TGM3: variants seen among roughly 807,000 people sequenced by gnomAD.
TGM3 encodes the protein transglutaminase 3, also known as protein-glutamine gamma-glutamyltransferase E.
TGM3 carries 52 observed loss-of-function variants against 73.8 expected under a neutral mutation model. The observed-to-expected ratio is 0.70, with a 90% confidence interval of 0.56 to 0.89. TGM3 has a LOEUF of 0.89. Ranked by LOEUF, TGM3 falls within the 40% of genes least tolerant of loss-of-function variation. The pLI, the probability that TGM3 is intolerant of heterozygous loss-of-function variation, is 0.00. For missense variants in TGM3, 928 were observed against 909.9 expected (o/e 1.02, Z -0.26); for synonymous variants, 372 against 354.9 (o/e 1.05, Z -0.54).
intron 5 of TGM3, among the ~76,000 whole-genome samples, chr20:2,314,590 A>G (rs2084223896): frequency 6.6e-6 from 1 of 151,462 alleles, no homozygotes; most frequent in Non-Finnish European, 1.5e-5. Flanking sequence ...GCATCGTGAC[A>G]CATGCCTGTA....
intron 7 of TGM3, 37 bp from the exon 8 acceptor site, chr20:2,325,812 C>A (rs764401329): frequency 6.8e-7 from 1 of 1,465,610 alleles, no homozygotes; most frequent in South Asian, 1.2e-5. Context: ...GCTGTGTGGT[C>A]TTGGGCAAGC....
intron 1 of TGM3, among the ~76,000 whole-genome samples, chr20:2,297,598 A>G (rs2084117466): frequency 6.6e-6 from 1 of 152,232 alleles, no homozygotes; most frequent in South Asian, 2.1e-4. Flanking sequence ...GTTAACAACC[A>G]GAGATGTTCT....
At chr20:2,296,501 G>C (rs2084108477) in intron 1 of TGM3, among the ~76,000 whole-genome samples, 1 of 152,106 alleles carries the variant, frequency 6.6e-6, no homozygotes, top group Non-Finnish European at 1.5e-5. Flanking sequence ...AGAACTACCA[G>C]GGAGTGAGAG....
intron 1 of TGM3, among the ~76,000 whole-genome samples, chr20:2,301,771 G>A (rs6082667): frequency 6.6e-6 from 1 of 151,914 alleles, no homozygotes; most frequent in African/African-American, 2.4e-5. Flanking sequence ...TGAGATCTCA[G>A]CCCACTGCAA....
chr20:2,339,195 G>A (rs45565740), intron 11 of TGM3, among the ~76,000 whole-genome samples: 3,924 of 152,324 alleles, frequency 0.026, 164 homozygotes, highest in African/African-American at 0.086. Context: ...AAAGAGTTAA[G>A]GGAGCTACAG....
intron 1 of TGM3, among the ~76,000 whole-genome samples, chr20:2,301,531 GA>G (rs5839947): frequency 0.13 from 16,919 of 133,370 alleles, 1,046 homozygotes; most frequent in Middle Eastern, 0.26. Context: ...CAGCCATTAA[GA>G]AAAAAAAAAA....
chr20:2,313,112 G>A (rs2084215940), intron 5 of TGM3, 86 bp downstream of exon 5: 3 of 1,558,898 alleles, frequency 1.9e-6, no homozygotes, highest in Middle Eastern at 3.9e-4. Context: ...CTTTACATAT[G>A]TCATCTCATT....
At chr20:2,309,929 G>GGGTTCGC in intron 2 of TGM3, 99 bp downstream of exon 2, 1 of 1,518,844 alleles carries the variant, frequency 6.6e-7, no homozygotes, top group Non-Finnish European at 9.0e-7. Flanking sequence ...CACTGGCATT[G>GGGTTCGC]GGTTCTAGCC....
intron 8 of TGM3, among the ~76,000 whole-genome samples, chr20:2,327,655 G>C (rs751489055): frequency 3.9e-5 from 6 of 152,126 alleles, no homozygotes; most frequent in Admixed American, 3.3e-4. Context: ...AGCTTCCTAT[G>C]CTGAGTGCTA....
chr20:2,321,813 A>G (rs2084264379), intron 7 of TGM3, among the ~76,000 whole-genome samples: 2 of 152,234 alleles, frequency 1.3e-5, no homozygotes, highest in Non-Finnish European at 2.9e-5. Context: ...CATTGGAAAG[A>G]TGCACATCCC....
chr20:2,317,838 T>C (rs948632264), intron 7 of TGM3, among the ~76,000 whole-genome samples: 1 of 151,696 alleles, frequency 6.6e-6, no homozygotes, highest in Non-Finnish European at 1.5e-5. Flanking sequence ...CAGCAAGAAA[T>C]ATACATTTGT....
intron 5 of TGM3, among the ~76,000 whole-genome samples, chr20:2,313,405 C>T (rs955282643): frequency 1.3e-5 from 2 of 152,174 alleles, no homozygotes; most frequent in Non-Finnish European, 2.9e-5. Flanking sequence ...GAAGCGAGAC[C>T]CTGATTGAGC....
chr20:2,305,699 C>T (rs2084173259), intron 1 of TGM3, among the ~76,000 whole-genome samples: 1 of 152,184 alleles, frequency 6.6e-6, no homozygotes, highest in African/African-American at 2.4e-5. Flanking sequence ...GGGGCTCACG[C>T]TTGGTGTCAG....
At position 2,332,220 on chromosome 20, in the gene TGM3, A is replaced by G. The variant is rs761800887; in HGVS notation, c.1552A>G (p.Asn518Asp). 4 of 1,614,110 alleles carry G rather than the reference A, an allele frequency of 2.5e-6. No homozygotes were observed. The highest frequency in any genetic ancestry group is 3.3e-4 in the Middle Eastern group (2 of 6,062). The stretch of plus-strand genomic sequence containing the variant: ...CAGGGATACGAAGACAGTGACAGTG[A>G]ACATGACAGCCTGGACCATCATCTA... ...LSRDTKTVTV[N>D]MTAWTIIYNG... Residue 518 changes from asparagine (N) to aspartate (D), a missense_variant, in exon 10 of 13, where the codon AAC (asparagine) becomes GAC (aspartate). By Grantham distance (23) the Asn-to-Asp change is conservative (BLOSUM62 1). Coordinates refer to ENST00000381458, the MANE Select transcript of TGM3 (RefSeq NM_003245.4). The surrounding 1 kb of genome is among the most constrained non-coding windows in gnomAD (Gnocchi z 4.4).
intron 5 of TGM3, 73 bp downstream of exon 5, chr20:2,313,099 A>T (rs2084215836): frequency 6.3e-7 from 1 of 1,586,096 alleles, no homozygotes; most frequent in East Asian, 2.3e-5. Context: ...AGGCACGCAC[A>T]CTCTTTACAT....
intron 5 of TGM3, among the ~76,000 whole-genome samples, chr20:2,316,617 A>T (rs2084234545): frequency 6.6e-6 from 1 of 151,814 alleles, no homozygotes; most frequent in East Asian, 1.9e-4. Context: ...AATAAATAAA[A>T]TAAATAAAGT....
intron 3 of TGM3, 53 bp downstream of exon 3, chr20:2,310,470 A>G: frequency 4.4e-6 from 7 of 1,595,610 alleles, no homozygotes; most frequent in Non-Finnish European, 6.0e-6. Flanking sequence ...AGAAAAGAAA[A>G]AGGGGATGGG....
chr20:2,339,997 G>T lies in TGM3; in HGVS notation c.1934+10G>T, dbSNP rs1254134182. 6.3e-7 allele frequency: 1 copy of T among 1,592,822 alleles called. No individual in the cohort carries two copies. Among genetic ancestry groups the T allele is most frequent in the Admixed American group, 1.8e-5 (1 of 55,928 alleles). On this transcript the variant is annotated intron_variant, in intron 12 of 12. Transcript: ENST00000381458. Reference sequence around the variant, plus strand: ...GTAACCTGAAGATCGAGTGAGTCCTGGGCCTAAGTGGCCGGTGCAGGAGGG... The same window carrying T: ...GTAACCTGAAGATCGAGTGAGTCCTTGGCCTAAGTGGCCGGTGCAGGAGGG...
At chr20:2,340,165 C>A (rs1329456802) in intron 12 of TGM3, among the ~76,000 whole-genome samples, 178 bp downstream of exon 12, 1 of 152,158 alleles carries the variant, frequency 6.6e-6, no homozygotes, top group East Asian at 1.9e-4. Context: ...CAAACTTGAA[C>A]TCCTGAGAAG....
Sources: allele counts gnomAD v4.1 joint callset (sites outside exome capture counted in the v4.1 genomes callset), GRCh38; gene constraint gnomAD v4.1.1; non-coding constraint Gnocchi (gnomAD v3.1); transcripts MANE v1.5; gene names NCBI Gene and HGNC (gene_info 2026-07-23, HGNC 2026-07-21).